DPYD: variants seen among roughly 807,000 people sequenced by gnomAD.
DPYD encodes the protein dihydropyrimidine dehydrogenase [NADP(+)].
In DPYD, 109 loss-of-function variants were observed where a neutral mutation model predicts 116.2. The ratio of observed to expected loss-of-function variants is 0.94; its 90% CI spans 0.80 to 1.10. The LOEUF is 1.10. Among genes scored for constraint, DPYD ranks in the 50% least tolerant of loss-of-function variants. The pLI, the probability that DPYD is intolerant of heterozygous loss-of-function variation, is 0.00. For missense variants in DPYD, 1,302 were observed against 1,254.5 expected, an observed-to-expected ratio of 1.04 and a Z score of -0.57; for synonymous variants, 440 against 432.0, an observed-to-expected ratio of 1.02 and a Z score of -0.23.
At chr1:97,427,878 G>T (rs1375759580) in intron 14 of DPYD, among the ~76,000 whole-genome samples, 6 of 151,950 alleles carry the variant, frequency 3.9e-5, no homozygotes, top group African/African-American at 1.5e-4. Flanking sequence ...GACTAAAATG[G>T]AGTAGGGAAT....
At chr1:97,336,586 T>C (rs2101194345) in intron 16 of DPYD, among the ~76,000 whole-genome samples, 1 of 152,192 alleles carries the variant, frequency 6.6e-6, no homozygotes, top group Admixed American at 6.5e-5. Context: ...CTGTCTCTAC[T>C]AAAAATACAA....
At position 97,729,108 on chromosome 1, in the gene DPYD, T is replaced by C. The variant is rs192906221; in HGVS notation, c.322-7437A>G. 3.9e-5 allele frequency among the ~76,000 whole-genome samples: 6 copies of C among 152,230 alleles called. No homozygotes were observed. In the East Asian group the frequency reaches 9.6e-4, roughly 24 times the overall value. On this transcript the variant is annotated intron_variant, in intron 4 of 22. Coordinates refer to ENST00000370192, the MANE Select transcript of DPYD (RefSeq NM_000110.4). ...GTTCAGTGAGCCTCGTTTAAGCCTA[T>C]ACATGTAAGGAAATTAATAATCATT...
chr1:97,667,565 A>C (rs1164340599), intron 8 of DPYD, among the ~76,000 whole-genome samples: 1 of 152,158 alleles, frequency 6.6e-6, no homozygotes, highest in Non-Finnish European at 1.5e-5. Flanking sequence ...AAAACAAACT[A>C]GCAAATGTTG....
chr1:97,509,140 G>A (rs1336797707), intron 13 of DPYD, among the ~76,000 whole-genome samples: 1 of 152,024 alleles, frequency 6.6e-6, no homozygotes, highest in Non-Finnish European at 1.5e-5. Flanking sequence ...AGTCAACCCA[G>A]CTGAGCCTTG....
chr1:97,110,357 C>T (rs1651502853), intron 20 of DPYD, among the ~76,000 whole-genome samples: 1 of 152,106 alleles, frequency 6.6e-6, no homozygotes, highest in South Asian at 2.1e-4. Context: ...CCTGCACTTT[C>T]ACCCTCTGTC....
intron 10 of DPYD, among the ~76,000 whole-genome samples, chr1:97,581,326 CAAAAAAAAAA>C (rs1161399547): frequency 7.7e-4 from 51 of 66,600 alleles, no homozygotes; most frequent in Middle Eastern, 0.014. Flanking sequence ...GACTCAGTCT[CAAAAAAAAAA>C]AAAAAAAAAA....
intron 5 of DPYD, among the ~76,000 whole-genome samples, chr1:97,715,488 A>G (rs923456595): frequency 3.3e-5 from 5 of 152,152 alleles, no homozygotes; most frequent in African/African-American, 1.2e-4. Flanking sequence ...AACAACACAC[A>G]GTGCTGATCA....
intron 16 of DPYD, among the ~76,000 whole-genome samples, chr1:97,357,967 C>T (rs11165847): frequency 0.59 from 89,507 of 151,980 alleles, 28,397 homozygotes; most frequent in Non-Finnish European, 0.72. Context: ...GTGGGTGCAG[C>T]CCACTGAGGA....
chr1:97,869,225 G>C (rs1291418387), intron 2 of DPYD, among the ~76,000 whole-genome samples: 1 of 151,792 alleles, frequency 6.6e-6, no homozygotes, highest in East Asian at 1.9e-4. Flanking sequence ...TGGCCAGAAT[G>C]AGGGCCAGAG....
intron 3 of DPYD, among the ~76,000 whole-genome samples, chr1:97,793,218 C>A (rs1667402501): frequency 6.6e-6 from 1 of 151,988 alleles, no homozygotes; most frequent in Non-Finnish European, 1.5e-5. Context: ...ATTTAAAGTC[C>A]TTACAAAATG....
chr1:97,587,470 AG>A (rs1382044242), intron 10 of DPYD, among the ~76,000 whole-genome samples: 1 of 152,206 alleles, frequency 6.6e-6, no homozygotes, highest in Non-Finnish European at 1.5e-5. Flanking sequence ...TTCTAAAAAT[AG>A]TCCCAGGTTC....
chr1:97,623,834 A>G (rs1656770643), intron 8 of DPYD, among the ~76,000 whole-genome samples: 1 of 151,980 alleles, frequency 6.6e-6, no homozygotes, highest in African/African-American at 2.4e-5. Context: ...ACCCATGCAT[A>G]TATGATCAAC....
intron 13 of DPYD, among the ~76,000 whole-genome samples, chr1:97,478,828 G>C (rs1678141947): frequency 6.6e-6 from 1 of 152,172 alleles, no homozygotes; most frequent in South Asian, 2.1e-4. Context: ...AGTTCTCTTA[G>C]CTGGATCGGG....
chr1:97,628,528 T>C (rs560236652), intron 8 of DPYD, among the ~76,000 whole-genome samples: 1 of 152,090 alleles, frequency 6.6e-6, no homozygotes, highest in Non-Finnish European at 1.5e-5. Context: ...CATGTAGTAA[T>C]ATTTTCAAAC....
chr1:97,489,967 T>C (rs1244948868), intron 13 of DPYD, among the ~76,000 whole-genome samples: 10 of 152,174 alleles, frequency 6.6e-5, no homozygotes, highest in African/African-American at 1.9e-4. Context: ...GAAATGTATT[T>C]AGTACTTTCA....
At chr1:97,345,630 G>A (rs1303478202) in intron 16 of DPYD, among the ~76,000 whole-genome samples, 1 of 151,936 alleles carries the variant, frequency 6.6e-6, no homozygotes, top group African/African-American at 2.4e-5. Flanking sequence ...ACAGCAGGAA[G>A]AAAAGTGATG....
chr1:97,903,727 A>G (rs1673476887), intron 1 of DPYD, among the ~76,000 whole-genome samples: 1 of 151,992 alleles, frequency 6.6e-6, no homozygotes, highest in African/African-American at 2.4e-5. Context: ...TAGAGGAACT[A>G]AGAAATCCAA....
chr1:97,199,298 T>C (rs1178126280), intron 19 of DPYD, among the ~76,000 whole-genome samples: 6 of 152,082 alleles, frequency 3.9e-5, no homozygotes, highest in Admixed American at 1.3e-4. Flanking sequence ...GTGGTTTCTA[T>C]GCCATATTAA....
intron 20 of DPYD, among the ~76,000 whole-genome samples, chr1:97,176,868 A>ATGCGTGTG (rs772249087): frequency 6.8e-6 from 1 of 146,580 alleles, no homozygotes; most frequent in Non-Finnish European, 1.5e-5. Flanking sequence ...GGACAAAAAA[A>ATGCGTGTG]TGTGTGTGTG....
Sources: allele counts gnomAD v4.1 joint callset (sites outside exome capture counted in the v4.1 genomes callset), GRCh38; gene constraint gnomAD v4.1.1; transcripts MANE v1.5; gene names NCBI Gene and HGNC (gene_info 2026-07-23, HGNC 2026-07-21).